Variants in FANCA observed in about 807,000 individuals in gnomAD.
FANCA encodes Fanconi anemia group A protein.
A neutral mutation model predicts 194.3 loss-of-function variants in FANCA; 236 were observed. The ratio of observed to expected loss-of-function variants is 1.21; its 90% CI spans 1.09 to 1.35. The LOEUF is 1.35. FANCA is among the 40% of genes most tolerant of loss of function. FANCA has a pLI of 0.00. For synonymous variants in FANCA, 1,014 were observed against 715.8 expected (o/e 1.42, Z -6.65); for missense variants, 2,628 against 1,813.9 (o/e 1.45, Z -8.15).
chr16:89,809,806 T>C (rs144917678), intron 5 of FANCA, among the ~76,000 whole-genome samples: 4 of 149,888 alleles, frequency 2.7e-5, no homozygotes, highest in Non-Finnish European at 5.9e-5. Context: ...TAAGCCAAGA[T>C]AGCACCATTG....
Position 89,768,965 on chromosome 16 carries a change from A to G in FANCA, c.2504+872T>C, listed in dbSNP as rs2039224954. Among the ~76,000 whole-genome samples the G allele has an allele frequency of 3.3e-5, 5 of 152,072 alleles. No homozygotes were observed. The South Asian group carries it at 6.2e-4, about 19-fold the overall frequency. On this transcript the variant is annotated intron_variant, in intron 26 of 42. Transcript: ENST00000389301. The stretch of plus-strand genomic sequence containing the variant: ...TGAGTGGGGACTGTCTGGTGTGGCC[A>G]AGCGCCTAGGAGGGACTCTGTATCC...
intron 17 of FANCA, among the ~76,000 whole-genome samples, chr16:89,781,363 CAAAAAAAAAA>C (rs775937692): frequency 3.3e-5 from 2 of 60,400 alleles, no homozygotes; most frequent in Admixed American, 2.3e-4. Context: ...GACTCCATTC[CAAAAAAAAAA>C]AAAAAAAAAA....
Position 89,738,972 on chromosome 16 carries a change from G to T in FANCA, c.4170C>A (p.Gly1390=). The change falls in exon 42 of 43, where the codon GGC becomes GGA. Residue 1390 remains glycine, a splice_region_variant and synonymous_variant. Transcript: ENST00000389301. ...CTTTTGTTATCAGTTCCACGGGGTT[G>T]CCCTAGAGAGAAAACAGGCAAACTC... ...AGRSLELKGQ[G]NPVELITKAR... is the part of the protein sequence containing the mutation. 6.2e-7 allele frequency: 1 copy of T among 1,614,230 alleles called. No individual in the cohort carries two copies. Among genetic ancestry groups the T allele is most frequent in the African/African-American group, 1.3e-5 (1 of 75,068 alleles).
chr16:89,771,155 C>CAAAAAAAAAAAAAAAATAAAAA (rs2039311092), intron 23 of FANCA, among the ~76,000 whole-genome samples: 1 of 56,644 alleles, frequency 1.8e-5, no homozygotes, highest in African/African-American at 7.3e-5. Context: ...AAGACTCAGT[C>CAAAAAAAAAAAAAAAATAAAAA]AAAAAAAAAA....
intron 11 of FANCA, among the ~76,000 whole-genome samples, chr16:89,795,141 C>A (rs148082136): frequency 6.6e-6 from 1 of 150,992 alleles, no homozygotes; most frequent in Non-Finnish European, 1.5e-5. Flanking sequence ...AAAAATTAGC[C>A]GGGCATGGTG....
chr16:89,779,932 A>G lies in FANCA; in HGVS notation c.1652T>C (p.Val551Ala), dbSNP rs1331541085. The change falls in exon 18 of 43, where the codon GTT (valine) becomes GCT (alanine). Residue 551 changes from valine (V) to alanine (A), a missense_variant. Val to Ala is a moderately conservative substitution (Grantham distance 64, BLOSUM62 0). Coordinates refer to ENST00000389301, the MANE Select transcript of FANCA (RefSeq NM_000135.4). ...CTCAAACACCATGATGGCCTTTTCA[A>G]CATCCTGAAGAGCTTGGCTGTGGGG... ...TEPHSQALQD[V>A]EKAIMVFEHT... is the part of the protein sequence containing the mutation. 6.2e-7 allele frequency: 1 copy of G among 1,614,074 alleles called. No homozygotes were observed. Among genetic ancestry groups the G allele is most frequent in the African/African-American group, 1.3e-5 (1 of 74,940 alleles).
intron 26 of FANCA, chr16:89,769,619 G>C (rs1277583796): frequency 1.6e-6 from 1 of 619,708 alleles, no homozygotes. Context: ...CAGCAGTTTA[G>C]TATAATATGA....
chr16:89,773,921 C>T (rs867859749), intron 21 of FANCA, among the ~76,000 whole-genome samples: 17 of 152,116 alleles, frequency 1.1e-4, no homozygotes, highest in South Asian at 2.1e-4. Flanking sequence ...AGGCACGCAC[C>T]ACCACATCCA....
chr16:89,780,339 G>C (rs772398301), intron 17 of FANCA, among the ~76,000 whole-genome samples: 3 of 152,140 alleles, frequency 2.0e-5, no homozygotes, highest in Non-Finnish European at 2.9e-5. Flanking sequence ...GAAATTACGA[G>C]GGCTGGGTGC....
chr16:89,806,795 C>T (rs1297848660), intron 6 of FANCA, among the ~76,000 whole-genome samples: 3 of 152,218 alleles, frequency 2.0e-5, no homozygotes, highest in African/African-American at 2.4e-5. Flanking sequence ...ATCTTTTCCC[C>T]ACCCTTCCCC....
At chr16:89,794,034 G>A (rs1176403074) in intron 11 of FANCA, among the ~76,000 whole-genome samples, 1 of 152,140 alleles carries the variant, frequency 6.6e-6, no homozygotes, top group Non-Finnish European at 1.5e-5. Context: ...ACAGGCGTGA[G>A]CCACTGCTCC....
Position 89,749,993 on chromosome 16 carries a change from C to G in FANCA, c.3067-91G>C. 5.2e-6 allele frequency: 7 copies of G among 1,348,398 alleles called. No homozygotes were observed. The South Asian group carries it at 8.2e-5, about 16-fold the overall frequency. The allele number at this position is 1,348,398 out of a possible 1,614,324, so 83.5% of individuals were successfully genotyped here. ...CAGACGTCAGGGGTCAGGGAGAGGT[C>G]TCCACAGTGGACAGGGCAAGAAGGA... On this transcript the variant is annotated intron_variant, in intron 31 of 42. Coordinates refer to ENST00000389301, the MANE Select transcript of FANCA (RefSeq NM_000135.4).
At chr16:89,748,583 A>G (rs2038471158) in intron 33 of FANCA, 76 bp downstream of exon 33, 1 of 1,104,710 alleles carries the variant, frequency 9.1e-7, no homozygotes, top group Non-Finnish European at 1.4e-6. Flanking sequence ...CAGTACACGC[A>G]TGGAGGCTGC....
Position 89,776,153 on chromosome 16 carries a change from G to GTTTTTTTT in FANCA, c.1827-339_1827-338insAAAAAAAA, listed in dbSNP as rs908520331. 2.2e-5 allele frequency among the ~76,000 whole-genome samples: 2 copies of GTTTTTTTT among 91,786 alleles called. 1 individual carries two copies. Among genetic ancestry groups the GTTTTTTTT allele is most frequent in the African/African-American group, 7.6e-5 (2 of 26,340 alleles). The allele number at this position is 91,786 out of a possible 152,430, so 60.2% of individuals were successfully genotyped here. ...TTCCAAATTCAAAACACGAATCTTTGTTTTTCTTTTTTTTTTTTTTTTTTT... is the reference window on the plus strand; with the variant it reads ...TTCCAAATTCAAAACACGAATCTTTGTTTTTTTTTTTTTCTTTTTTTTTTTTTTTTTTT... On this transcript the variant is annotated intron_variant, in intron 20 of 42. Transcript: ENST00000389301.
rs2040597797 is a variant in FANCA at position 89,805,303 on chromosome 16, T to A, written c.686A>T (p.Asp229Val). 1 of 1,613,728 alleles carries A rather than the reference T, an allele frequency of 6.2e-7. No homozygotes were observed. The change falls in exon 7 of 43, where the codon GAC becomes GTC. Residue 229 changes from aspartate (D) to valine (V), a missense_variant. Transcript: ENST00000389301. ...EQMEASCQHA[D>V]VARAMLSDFV... ...ACCAGAAAGCATGGCCCTGGCGACGTCAGCATGCTGGCAGGATGCTTCCAT... is the reference window on the plus strand; with the variant it reads ...ACCAGAAAGCATGGCCCTGGCGACGACAGCATGCTGGCAGGATGCTTCCAT...
intron 10 of FANCA, among the ~76,000 whole-genome samples, chr16:89,796,732 C>A (rs2040260430): frequency 6.6e-6 from 1 of 152,190 alleles, no homozygotes; most frequent in Non-Finnish European, 1.5e-5. Flanking sequence ...GTAAGAAAAT[C>A]AAGGGTCCAG....
intron 29 of FANCA, among the ~76,000 whole-genome samples, chr16:89,761,145 C>T (rs530913130): frequency 1.6e-4 from 24 of 152,288 alleles, no homozygotes; most frequent in African/African-American, 5.1e-4. Flanking sequence ...CCTGGCCAGG[C>T]GCGGTGGCTC....
intron 6 of FANCA, 127 bp from the exon 7 acceptor site, chr16:89,805,519 T>C: frequency 2.9e-6 from 2 of 693,218 alleles, no homozygotes; most frequent in Non-Finnish European, 5.3e-6. Flanking sequence ...TGGAGTGCAG[T>C]GGCGCAATCA....
intron 14 of FANCA, among the ~76,000 whole-genome samples, chr16:89,785,678 CTG>C (rs1448566900): frequency 6.6e-6 from 1 of 152,152 alleles, no homozygotes; most frequent in African/African-American, 2.4e-5. Flanking sequence ...ATGTGGGCCT[CTG>C]TGAACACTGA....
Sources: allele counts gnomAD v4.1 joint callset (sites outside exome capture counted in the v4.1 genomes callset), GRCh38; gene constraint gnomAD v4.1.1; transcripts MANE v1.5; gene names NCBI Gene and HGNC (gene_info 2026-07-23, HGNC 2026-07-21).